Variants in VPS13D observed in about 807,000 individuals in gnomAD.
VPS13D encodes the protein intermembrane lipid transfer protein VPS13D.
In VPS13D, 187 loss-of-function variants were observed where a neutral mutation model predicts 461.9. The ratio of observed to expected loss-of-function variants is 0.40; its 90% confidence interval spans 0.36 to 0.46. VPS13D has a LOEUF of 0.46. VPS13D is among the 20% of genes least tolerant of loss of function. VPS13D has a pLI of 0.60. For synonymous variants in VPS13D, 1,951 were observed against 1,986.3 expected, an observed-to-expected ratio of 0.98 and a Z score of 0.47; for missense variants, 4,711 against 5,364.9, an observed-to-expected ratio of 0.88 and a Z score of 3.81.
intron 63 of VPS13D, among the ~76,000 whole-genome samples, chr1:12,412,214 A>G (rs191681709): frequency 2.0e-5 from 3 of 152,266 alleles, no homozygotes; most frequent in African/African-American, 7.2e-5. Flanking sequence ...AAGATTCGGT[A>G]AAGTTGTCGT....
rs201262655 is a variant in VPS13D, at chr1:12,309,212, C to CTT, written c.6650+587_6650+588dup. On this transcript the variant is annotated intron_variant, in intron 27 of 69. Coordinates refer to ENST00000620676, the MANE Select transcript of VPS13D (RefSeq NM_015378.4). Reference sequence around the variant, plus strand: ...TAATGTTTGATTTGATCTTTTTTTTCTTTTTTTTTTTTTTTTTGAGATGGA... The same window carrying CTT: ...TAATGTTTGATTTGATCTTTTTTTTCTTTTTTTTTTTTTTTTTTTGAGATGGA... Among the ~76,000 whole-genome samples, 718 of 131,054 alleles carry CTT rather than the reference C, an allele frequency of 5.5e-3. 8 individuals are homozygous for CTT. Among genetic ancestry groups the CTT allele is most frequent in the African/African-American group, 0.018 (629 of 35,610 alleles). 86.0% of individuals were successfully genotyped at this position (131,054 alleles called of 152,430 possible).
At chr1:12,312,288 T>C (rs1389746702) in intron 29 of VPS13D, among the ~76,000 whole-genome samples, 1 of 152,164 alleles carries the variant, frequency 6.6e-6, no homozygotes, top group African/African-American at 2.4e-5. Context: ...AAAAATGAGC[T>C]CTGAATGGTG....
chr1:12,240,637 T>G (rs1640320239), intron 2 of VPS13D, among the ~76,000 whole-genome samples: 1 of 138,806 alleles, frequency 7.2e-6, no homozygotes, highest in Non-Finnish European at 1.5e-5. Flanking sequence ...GAAGCATAAA[T>G]CATGCTCTTC....
chr1:12,254,091 A>G (rs984654237), intron 7 of VPS13D, among the ~76,000 whole-genome samples: 1 of 152,238 alleles, frequency 6.6e-6, no homozygotes, highest in South Asian at 2.1e-4. Context: ...AGTGAAAGCT[A>G]TGTTTTTAAG....
chr1:12,323,867 T>G lies in VPS13D; in HGVS notation c.7990+87T>G. ...CCTCTCTTACTTCCACAAGGTGACT[T>G]AGAGAGCTGAGTGTGTTTGGAGGAC... On this transcript the variant is annotated intron_variant, in intron 35 of 69. Transcript: ENST00000620676. 3 of 1,389,368 alleles carry G rather than the reference T, an allele frequency of 2.2e-6. No homozygotes were observed. The Admixed American group carries it at 5.1e-5, about 24-fold the overall frequency. 86.1% of individuals were successfully genotyped at this position (1,389,368 alleles called of 1,614,324 possible). A position where few individuals can be genotyped will look rare whatever the true frequency, so the allele number is the denominator to read the frequency against.
chr1:12,429,670 T>C (rs1228121531), intron 65 of VPS13D, among the ~76,000 whole-genome samples: 1 of 152,256 alleles, frequency 6.6e-6, no homozygotes, highest in Admixed American at 6.5e-5. Context: ...AAAATCGTAC[T>C]ATAGCAATAC....
chr1:12,250,335 C>A (rs552478729), intron 6 of VPS13D, among the ~76,000 whole-genome samples: 2 of 152,156 alleles, frequency 1.3e-5, no homozygotes, highest in Admixed American at 1.3e-4. Context: ...GGGACCCCAA[C>A]AAAAGTCACT....
At chr1:12,335,488 C>T (rs1249137863) in intron 38 of VPS13D, among the ~76,000 whole-genome samples, 2 of 152,186 alleles carry the variant, frequency 1.3e-5, no homozygotes, top group African/African-American at 4.8e-5. Context: ...ATGTCTTTCA[C>T]ATTATGATAG....
chr1:12,258,084 T>C lies in VPS13D; in HGVS notation c.1091T>C (p.Leu364Pro). The change falls in exon 10 of 70, where the codon CTG becomes CCG. Residue 364 changes from leucine (L) to proline (P), a missense_variant. Around this residue, in one of 3 missense-constraint regions of VPS13D, gnomAD observed 4,411 missense variants for 4,937.8 expected, o/e 0.89. Transcript: ENST00000620676. Reference protein sequence around the residue: ...DKYFNKLKGGLLSTDDKEEMC... With the variant: ...DKYFNKLKGGPLSTDDKEEMC... Reference sequence around the variant, plus strand: ...TATTTCAACAAGTTAAAAGGAGGCCTGCTGTCCACAGATGACAAGGTAAGT... The same window carrying C: ...TATTTCAACAAGTTAAAAGGAGGCCCGCTGTCCACAGATGACAAGGTAAGT... The C allele has an allele frequency of 6.2e-7, 1 of 1,614,208 alleles. No individual in the cohort carries two copies. The highest frequency in any genetic ancestry group is 2.2e-5 in the East Asian group (1 of 44,888).
At chr1:12,243,344 A>G (rs985030140) in intron 3 of VPS13D, among the ~76,000 whole-genome samples, 1 of 152,200 alleles carries the variant, frequency 6.6e-6, no homozygotes, top group South Asian at 2.1e-4. Context: ...AGCTCACTAC[A>G]GCTTTGAACT....
intron 66 of VPS13D, among the ~76,000 whole-genome samples, chr1:12,456,636 C>CAAAAAAAAA (rs367987300): frequency 8.4e-5 from 7 of 83,670 alleles, no homozygotes; most frequent in African/African-American, 1.8e-4. Context: ...GACTCCAATT[C>CAAAAAAAAA]AAAAAAAAAA....
intron 67 of VPS13D, among the ~76,000 whole-genome samples, chr1:12,481,656 A>G (rs571881045): frequency 6.6e-6 from 1 of 152,228 alleles, no homozygotes; most frequent in East Asian, 1.9e-4. Flanking sequence ...TCTGCTTTCA[A>G]GGGGGATGGG....
chr1:12,331,172 T>A (rs1011232230), intron 37 of VPS13D, among the ~76,000 whole-genome samples: 3 of 152,190 alleles, frequency 2.0e-5, no homozygotes, highest in African/African-American at 7.2e-5. Context: ...CAGTGAACTT[T>A]GCCTTAAGAG....
chr1:12,242,953 C>CTTTTTTTTTTTTTTTTTTTTTT, intron 3 of VPS13D, among the ~76,000 whole-genome samples: 1 of 150,116 alleles, frequency 6.7e-6, no homozygotes, highest in African/African-American at 2.5e-5. Context: ...TTTTTCTTTT[C>CTTTTTTTTTTTTTTTTTTTTTT]TTTTCTTTTT....
intron 29 of VPS13D, 133 bp downstream of exon 29, chr1:12,312,058 T>TACGGCGACCACCG: frequency 9.0e-6 from 5 of 558,282 alleles, no homozygotes; most frequent in South Asian, 3.8e-5. Flanking sequence ...TGTCTTTTGG[T>TACGGCGACCACCG]TGATCTACAC....
chr1:12,462,939 A>T (rs558817372), intron 67 of VPS13D, among the ~76,000 whole-genome samples: 7 of 152,252 alleles, frequency 4.6e-5, no homozygotes, highest in African/African-American at 1.7e-4. Context: ...GAAGTTTTAC[A>T]TTTCCATGTA....
rs1041367108 is a variant in VPS13D at position 12,507,116 on chromosome 1, G to A, written c.13035+23G>A. On this transcript the variant is annotated intron_variant, in intron 69 of 69. Transcript: ENST00000620676. This position sits in a 1 kb window ranked among gnomAD's most constrained non-coding sequence, Gnocchi z 5.3. The stretch of plus-strand genomic sequence containing the variant: ...ATGGTGAGTGCCTGGCTGTTCTCAG[G>A]CTCCTGAGGGGCGGGGCCAGGGCCT... The A allele has an allele frequency of 6.2e-7, 1 of 1,613,402 alleles. No individual in the cohort carries two copies. The highest frequency in any genetic ancestry group is 1.3e-5 in the African/African-American group (1 of 75,024).
At chr1:12,360,665 G>A (rs1232096962) in intron 50 of VPS13D, among the ~76,000 whole-genome samples, 1 of 152,170 alleles carries the variant, frequency 6.6e-6, no homozygotes, top group East Asian at 1.9e-4. Context: ...AGAAAGAAGT[G>A]ATAGGGTATA....
chr1:12,285,296 A>ATTTATTTT (rs1034828623), intron 21 of VPS13D, among the ~76,000 whole-genome samples: 9 of 133,696 alleles, frequency 6.7e-5, no homozygotes, highest in East Asian at 2.2e-4. Flanking sequence ...TTATTTATTT[A>ATTTATTTT]TTTTTTTTTT....
Sources: allele counts gnomAD v4.1 joint callset (sites outside exome capture counted in the v4.1 genomes callset), GRCh38; gene constraint gnomAD v4.1.1; regional missense constraint gnomAD v4.1.1; non-coding constraint Gnocchi (gnomAD v3.1); transcripts MANE v1.5; gene names NCBI Gene and HGNC (gene_info 2026-07-23, HGNC 2026-07-21).